Variants in KCNIP4 observed in about 807,000 individuals in gnomAD.
KCNIP4 encodes Kv channel-interacting protein 4.
Under a neutral mutation model 34.0 loss-of-function variants are expected in KCNIP4, and 12 were observed. The observed-to-expected ratio is 0.35, with a 90% confidence interval of 0.23 to 0.57. KCNIP4 has a LOEUF of 0.57. Among genes scored for constraint, KCNIP4 ranks in the 20% least tolerant of loss-of-function variants. The pLI is 0.83. For missense variants in KCNIP4, 238 were observed against 311.7 expected (o/e 0.76, Z 1.78); for synonymous variants, 124 against 102.2 (o/e 1.21, Z -1.29).
intron 1 of KCNIP4, among the ~76,000 whole-genome samples, chr4:21,329,994 T>C (rs1715467523): frequency 6.6e-6 from 1 of 152,132 alleles, no homozygotes. Context: ...AGGTTTCCCG[T>C]TCATTACCGT....
chr4:20,873,703 C>G (rs924160571), intron 2 of KCNIP4, among the ~76,000 whole-genome samples: 1 of 152,154 alleles, frequency 6.6e-6, no homozygotes, highest in Non-Finnish European at 1.5e-5. Flanking sequence ...CCAGCCATCC[C>G]CAAGTGCCAG....
At chr4:21,074,221 C>T (rs1432442918) in intron 1 of KCNIP4, among the ~76,000 whole-genome samples, 1 of 152,168 alleles carries the variant, frequency 6.6e-6, no homozygotes, top group Non-Finnish European at 1.5e-5. Context: ...GGTATCAGCT[C>T]CTCCTTGTAC....
At chr4:21,709,648 A>C (rs1260877152) in intron 1 of KCNIP4, among the ~76,000 whole-genome samples, 1 of 152,218 alleles carries the variant, frequency 6.6e-6, no homozygotes, top group East Asian at 1.9e-4. Flanking sequence ...AGGTCTAAAT[A>C]TTATTAAAAA....
At chr4:20,755,964 CTG>C (rs1754391721) in intron 4 of KCNIP4, among the ~76,000 whole-genome samples, 1 of 151,750 alleles carries the variant, frequency 6.6e-6, no homozygotes, top group South Asian at 2.1e-4. Context: ...GTAGGCCACT[CTG>C]TAGGTTGTGG....
intron 1 of KCNIP4, among the ~76,000 whole-genome samples, chr4:21,373,465 T>G (rs4235289): frequency 0.62 from 90,779 of 146,614 alleles, 30,531 homozygotes; most frequent in South Asian, 0.68. Flanking sequence ...GTTGTAGAAA[T>G]CTAGTGTTTG....
intron 1 of KCNIP4, among the ~76,000 whole-genome samples, chr4:21,858,324 T>A (rs1247293811): frequency 1.3e-5 from 2 of 152,248 alleles, no homozygotes; most frequent in Non-Finnish European, 2.9e-5. Context: ...ATTGGATATT[T>A]TCAGTGTGAA....
At chr4:20,956,348 CA>C (rs1193877092) in intron 1 of KCNIP4, among the ~76,000 whole-genome samples, 1 of 151,898 alleles carries the variant, frequency 6.6e-6, no homozygotes, top group Non-Finnish European at 1.5e-5. Context: ...ACTAAAAATA[CA>C]AAAAAATTAG....
rs71191533 is a variant in KCNIP4, at chr4:21,683,446, A to ATTTTTTTTTTTTTTTT, written c.61+265109_61+265124dup. On this transcript the variant is annotated intron_variant, in intron 1 of 8. Transcript: ENST00000382152. Reference sequence around the variant, plus strand: ...TACGACTAATGATTGGTGAAGCCAGATTTTTTTTTTTTTTTTTTTTTTTTT... The same window carrying ATTTTTTTTTTTTTTTT: ...TACGACTAATGATTGGTGAAGCCAGATTTTTTTTTTTTTTTTTTTTTTTTTTTTTTTTTTTTTTTTT... Among the ~76,000 whole-genome samples the ATTTTTTTTTTTTTTTT allele has an allele frequency of 5.1e-4, 24 of 46,614 alleles. 4 individuals carry two copies. The highest frequency in any genetic ancestry group is 7.9e-4 in the Non-Finnish European group (19 of 24,002). 30.6% of individuals were successfully genotyped at this position (46,614 alleles called of 152,430 possible). A position where few individuals can be genotyped will look rare whatever the true frequency, so the allele number is the denominator to read the frequency against.
chr4:20,899,590 G>A (rs533706792), intron 1 of KCNIP4, among the ~76,000 whole-genome samples: 1 of 152,276 alleles, frequency 6.6e-6, no homozygotes, highest in African/African-American at 2.4e-5. Context: ...CATTTTGTAT[G>A]CAATTTTGAA....
rs181721452 is a variant in KCNIP4 at position 21,107,734 on chromosome 4, G to T, written c.62-225025C>A. On this transcript the variant is annotated intron_variant, in intron 1 of 8. Transcript: ENST00000382152. ...ATTTGGCATGATGTTGCAGTGGCTG[G>T]TACCAGTTGATCCTTTCCATGTTTA... Among the ~76,000 whole-genome samples the T allele has an allele frequency of 4.9e-3, 747 of 151,656 alleles. 3 individuals are homozygous for T. Among genetic ancestry groups the T allele is most frequent in the Non-Finnish European group, 8.4e-3 (570 of 68,022 alleles).
At chr4:20,853,052 T>C (rs1268874181) in intron 2 of KCNIP4, among the ~76,000 whole-genome samples, 1 of 152,118 alleles carries the variant, frequency 6.6e-6, no homozygotes, top group Non-Finnish European at 1.5e-5. Flanking sequence ...AAAATGACCA[T>C]ACTGCCAAAA....
chr4:21,921,832 C>T (rs1728956311), intron 1 of KCNIP4, among the ~76,000 whole-genome samples: 1 of 152,188 alleles, frequency 6.6e-6, no homozygotes, highest in South Asian at 2.1e-4. Context: ...TCTCAATATC[C>T]ATTTCCCATA....
At chr4:21,182,620 C>A (rs1331073306) in intron 1 of KCNIP4, among the ~76,000 whole-genome samples, 1 of 152,030 alleles carries the variant, frequency 6.6e-6, no homozygotes, top group African/African-American at 2.4e-5. Flanking sequence ...CCCCCTCTAC[C>A]CTTCCAGCCT....
At chr4:21,186,880 C>A (rs11938878) in intron 1 of KCNIP4, among the ~76,000 whole-genome samples, 16,098 of 152,128 alleles carry the variant, frequency 0.11, 926 homozygotes, top group East Asian at 0.19. Flanking sequence ...AACTCCTGGG[C>A]TCAAGGGATC....
At chr4:21,021,823 G>C (rs1577549319) in intron 1 of KCNIP4, among the ~76,000 whole-genome samples, 1 of 151,376 alleles carries the variant, frequency 6.6e-6, no homozygotes, top group East Asian at 1.9e-4. Flanking sequence ...TAAGTAGAAG[G>C]TGTATGCTCT....
intron 1 of KCNIP4, among the ~76,000 whole-genome samples, chr4:21,592,329 A>G (rs1742284914): frequency 6.6e-6 from 1 of 152,126 alleles, no homozygotes; most frequent in South Asian, 2.1e-4. Flanking sequence ...CTCTGTAACA[A>G]TGCAAGAGAA....
intron 1 of KCNIP4, among the ~76,000 whole-genome samples, chr4:21,905,539 G>A (rs1447464203): frequency 1.3e-5 from 2 of 152,100 alleles, no homozygotes; most frequent in East Asian, 1.9e-4. Flanking sequence ...AAAAAATGAT[G>A]AGTTCATGTC....
intron 1 of KCNIP4, among the ~76,000 whole-genome samples, chr4:21,490,089 T>C (rs1332223024): frequency 6.6e-6 from 1 of 152,176 alleles, no homozygotes; most frequent in Non-Finnish European, 1.5e-5. Flanking sequence ...ATTATGCAGA[T>C]AATCACTGAA....
At chr4:21,814,594 C>T (rs1275534921) in intron 1 of KCNIP4, among the ~76,000 whole-genome samples, 6 of 152,128 alleles carry the variant, frequency 3.9e-5, no homozygotes, top group Non-Finnish European at 8.8e-5. Flanking sequence ...TCAGGTACAT[C>T]TTTATCAGCA....
Sources: allele counts gnomAD v4.1 joint callset (sites outside exome capture counted in the v4.1 genomes callset), GRCh38; gene constraint gnomAD v4.1.1; transcripts MANE v1.5; gene names NCBI Gene and HGNC (gene_info 2026-07-23, HGNC 2026-07-21).